The following MCM8 variants were observed in gnomAD, a reference collection of about 807,000 sequenced individuals.
The protein encoded by MCM8 is DNA helicase MCM8.
A neutral mutation model predicts 98.9 loss-of-function variants in MCM8; 85 were observed. The ratio of observed to expected loss-of-function variants is 0.86; its 90% CI spans 0.72 to 1.03. The LOEUF (loss-of-function observed/expected upper bound fraction) is 1.03. MCM8 is among the 50% of genes least tolerant of loss of function. The pLI, the probability that MCM8 is intolerant of heterozygous loss-of-function variation, is 0.00. For synonymous variants in MCM8, 352 were observed against 338.6 expected (o/e 1.04, Z -0.44); for missense variants, 951 against 997.8 (o/e 0.95, Z 0.63).
intron 7 of MCM8, 63 bp from the exon 8 acceptor site, chr20:5,963,211 T>C: frequency 1.6e-6 from 2 of 1,257,224 alleles, no homozygotes; most frequent in Non-Finnish European, 2.3e-6. Context: ...TTTAACTGAA[T>C]TTTCCTGAGG....
At chr20:5,953,894 G>A (rs1406688552) in intron 3 of MCM8, among the ~76,000 whole-genome samples, 1 of 151,978 alleles carries the variant, frequency 6.6e-6, no homozygotes, top group Non-Finnish European at 1.5e-5. Context: ...TTTCTTTATT[G>A]GAAATCTGTT....
At chr20:5,981,632 A>G (rs947303478) in intron 13 of MCM8, among the ~76,000 whole-genome samples, 7 of 152,218 alleles carry the variant, frequency 4.6e-5, no homozygotes, top group African/African-American at 1.7e-4. Flanking sequence ...CGGAAGAAAT[A>G]GGTTTGGACA....
At chr20:5,972,724 T>A (rs1270636494) in intron 11 of MCM8, 1 of 1,304,124 alleles carries the variant, frequency 7.7e-7, no homozygotes, top group East Asian at 5.2e-5. Context: ...CCAGCTACTT[T>A]TGGTAAGAAA....
chr20:5,981,683 A>G (rs2089633613), intron 13 of MCM8, among the ~76,000 whole-genome samples: 1 of 152,230 alleles, frequency 6.6e-6, no homozygotes, highest in Non-Finnish European at 1.5e-5. Flanking sequence ...AAGAGACAGC[A>G]TAGCAGCTGT....
intron 17 of MCM8, among the ~76,000 whole-genome samples, chr20:5,988,722 T>A (rs1262231168): frequency 6.6e-6 from 1 of 152,234 alleles, no homozygotes; most frequent in East Asian, 1.9e-4. Context: ...AGTCTACTTT[T>A]CCAAGACCAA....
chr20:5,984,817 C>A lies in MCM8; in HGVS notation c.1770C>A (p.Val590=). Residue 590 remains valine, a synonymous_variant, in exon 15 of 19, where the codon GTC becomes GTA. Transcript: ENST00000610722. ...GSALLSRFDL[V]FILLDTPNEH... ...CACTACTATCCAGATTTGATTTGGT[C>A]TTTATCCTGTTAGATACTCCAAATG... 3 of 1,613,882 alleles carry A rather than the reference C, an allele frequency of 1.9e-6. No homozygotes were observed. Among genetic ancestry groups the A allele is most frequent in the Non-Finnish European group, 2.5e-6 (3 of 1,179,820 alleles).
chr20:5,987,175 C>T, intron 16 of MCM8, 107 bp from the exon 17 acceptor site: 1 of 1,087,694 alleles, frequency 9.2e-7, no homozygotes, highest in Non-Finnish European at 1.3e-6. Context: ...ACCTTCCTCG[C>T]CTAAAGGTCA....
intron 12 of MCM8, among the ~76,000 whole-genome samples, chr20:5,973,799 T>C (rs2089454197): frequency 6.6e-6 from 1 of 152,036 alleles, no homozygotes; most frequent in Non-Finnish European, 1.5e-5. Flanking sequence ...GGATTATAGG[T>C]GCGCACCACC....
intron 8 of MCM8, among the ~76,000 whole-genome samples, chr20:5,967,201 A>T (rs2122717529): frequency 6.6e-6 from 1 of 152,304 alleles, no homozygotes; most frequent in South Asian, 2.1e-4. Flanking sequence ...ACATACCCCC[A>T]AATTTTTAGT....
chr20:5,994,482 C>CACAT lies in MCM8; in HGVS notation c.*94_*95insTACA, dbSNP rs2089919871. On this transcript the variant is annotated 3_prime_UTR_variant, in exon 19 of 19. Transcript: ENST00000610722. ...GCGTGCACGCACAGACAGACAGACACACACACACACACACACACACACACA... is the reference window on the plus strand; with the variant it reads ...GCGTGCACGCACAGACAGACAGACACACATACACACACACACACACACACACACA... 3.2e-6 allele frequency: 1 copy of CACAT among 314,850 alleles called. No individual in the cohort carries two copies. The highest frequency in any genetic ancestry group is 5.5e-6 in the Non-Finnish European group (1 of 181,918). The allele number at this position is 314,850 out of a possible 1,614,324, so 19.5% of individuals were successfully genotyped here.
At chr20:5,964,462 C>T (rs1050985401) in intron 8 of MCM8, 2 of 152,180 alleles carry the variant, frequency 1.3e-5, no homozygotes, top group African/African-American at 2.4e-5. Flanking sequence ...TGAGTATGAT[C>T]GTGTGGCCTA....
intron 12 of MCM8, among the ~76,000 whole-genome samples, chr20:5,977,212 G>A (rs1375926442): frequency 6.6e-6 from 1 of 152,174 alleles, no homozygotes; most frequent in Non-Finnish European, 1.5e-5. Flanking sequence ...TGCCATACAC[G>A]GCAGTTTTAC....
chr20:5,989,064 G>T (rs1021748889), intron 17 of MCM8, among the ~76,000 whole-genome samples: 1 of 150,466 alleles, frequency 6.6e-6, no homozygotes, highest in African/African-American at 2.5e-5. Context: ...GACGAATACG[G>T]TTCTGATACA....
At position 5,977,857 on chromosome 20, in the gene MCM8, A is replaced by T; in HGVS notation, c.1396-19A>T. ...CCCTTTTACTTTGGATGATTCTCTT[A>T]AACTTTTTGTTTCCTTAGGCAGCGT... is the stretch of plus-strand genomic sequence containing the variant. On this transcript the variant is annotated intron_variant, in intron 12 of 18. Coordinates refer to ENST00000610722, the MANE Select transcript of MCM8 (RefSeq NM_032485.6). 1 of 1,611,956 alleles carries T rather than the reference A, an allele frequency of 6.2e-7. No homozygotes were observed. The highest frequency in any genetic ancestry group is 8.5e-7 in the Non-Finnish European group (1 of 1,178,494).
intron 16 of MCM8, 101 bp downstream of exon 16, chr20:5,986,232 C>G: frequency 1.9e-6 from 2 of 1,057,762 alleles, no homozygotes; most frequent in Admixed American, 2.2e-5. Context: ...CTCCATTTTC[C>G]TTTCTATAGA....
rs571630870 is a variant in MCM8 at position 5,979,192 on chromosome 20, ACT to A, written c.1537+1179_1537+1180del. ...CTCCCTCCTCCTTGAGACCCTTGAA[ACT>A]CTCATTGGTTTCCAGGCCACTTTAC... is the stretch of plus-strand genomic sequence containing the variant. On this transcript the variant is annotated intron_variant, in intron 13 of 18. Transcript: ENST00000610722. Among the ~76,000 whole-genome samples, 974 of 150,742 alleles carry A rather than the reference ACT, an allele frequency of 6.5e-3. 4 individuals carry two copies. Among genetic ancestry groups the A allele is most frequent in the Non-Finnish European group, 0.01 (684 of 67,554 alleles).
At chr20:5,978,137 T>A in intron 13 of MCM8, 120 bp downstream of exon 13, 1 of 1,083,788 alleles carries the variant, frequency 9.2e-7, no homozygotes, top group Non-Finnish European at 1.3e-6. Context: ...TCCTAACCAG[T>A]AAGTTGACAC....
chr20:5,987,451 C>A, intron 17 of MCM8, 93 bp downstream of exon 17: 1 of 889,114 alleles, frequency 1.1e-6, no homozygotes, highest in Non-Finnish European at 1.7e-6. Context: ...TTATTTAGCC[C>A]ATTGGGTCAC....
chr20:5,972,851 T>A, intron 11 of MCM8: 3 of 1,347,744 alleles, frequency 2.2e-6, no homozygotes, highest in Non-Finnish European at 9.8e-7. Flanking sequence ...AAGATAGCTC[T>A]GATTTTATAT....
Sources: allele counts gnomAD v4.1 joint callset (sites outside exome capture counted in the v4.1 genomes callset), GRCh38; gene constraint gnomAD v4.1.1; transcripts MANE v1.5; gene names NCBI Gene and HGNC (gene_info 2026-07-23, HGNC 2026-07-21).